Variants in TANGO6 observed in about 807,000 individuals in gnomAD.
The protein encoded by TANGO6 is transport and Golgi organization protein 6 homolog.
A neutral mutation model predicts 114.2 loss-of-function variants in TANGO6; 90 were observed. The observed-to-expected ratio is 0.79, with a 90% CI of 0.66 to 0.94. The LOEUF (loss-of-function observed/expected upper bound fraction) is 0.94, where lower values mean the gene tolerates loss of function less well. Among genes scored for constraint, TANGO6 ranks in the 40% least tolerant of loss-of-function variants. The pLI, the probability that TANGO6 is intolerant of heterozygous loss-of-function variation, is 0.00. For missense variants in TANGO6, 1,274 were observed against 1,315.3 expected (o/e 0.97, Z 0.49); for synonymous variants, 477 against 509.8 (o/e 0.94, Z 0.87).
intron 14 of TANGO6, among the ~76,000 whole-genome samples, chr16:68,944,186 C>G (rs995645339): frequency 1.3e-5 from 2 of 152,078 alleles, no homozygotes; most frequent in African/African-American, 4.8e-5. Flanking sequence ...GCTGGAATCT[C>G]AAAATATATC....
chr16:68,871,370 C>T (rs1962264699), intron 4 of TANGO6, among the ~76,000 whole-genome samples: 2 of 151,688 alleles, frequency 1.3e-5, no homozygotes, highest in South Asian at 2.1e-4. Context: ...TTATGATGTA[C>T]CTTGGTGTGG....
Position 68,875,154 on chromosome 16 carries a change from C to T in TANGO6, c.995C>T (p.Ala332Val), listed in dbSNP as rs200277093. The T allele has an allele frequency of 1.3e-4, 211 of 1,609,916 alleles. No homozygotes were observed. The highest frequency in any genetic ancestry group is 1.8e-4 in the Admixed American group (11 of 59,952). Residue 332 changes from alanine (A) to valine (V), a missense_variant and splice_region_variant, in exon 5 of 18, where the codon GCG (alanine) becomes GTG (valine). This residue lies in a region of TANGO6 where 908 missense variants were observed against 910.2 expected (regional missense o/e 1.00). Coordinates refer to ENST00000261778, the MANE Select transcript of TANGO6 (RefSeq NM_024562.2). Reference protein sequence around the residue: ...VVRGILEGAGAGAAGGSDAEV... With the variant: ...VVRGILEGAGVGAAGGSDAEV... The stretch of plus-strand genomic sequence containing the variant: ...CTAACATCTCTCTCCATTGTGCCAG[C>T]GGGAGCAGCTGGTGGAAGTGATGCT...
chr16:69,021,175 G>T (rs1009141947), intron 15 of TANGO6, among the ~76,000 whole-genome samples: 2 of 152,082 alleles, frequency 1.3e-5, no homozygotes, highest in Non-Finnish European at 2.9e-5. Context: ...GCAGTGTCCT[G>T]CAAGGCCCTT....
intron 12 of TANGO6, among the ~76,000 whole-genome samples, chr16:68,921,012 A>T (rs1007198096): frequency 1.5e-4 from 22 of 148,032 alleles, no homozygotes; most frequent in African/African-American, 4.9e-4. Flanking sequence ...CTGAGGCAGG[A>T]GAATGGCGTG....
chr16:69,070,939 A>G (rs1281845278), intron 17 of TANGO6, among the ~76,000 whole-genome samples: 1 of 151,702 alleles, frequency 6.6e-6, no homozygotes, highest in Admixed American at 6.6e-5. Context: ...ATGCCCAGCT[A>G]ATTTTTGTAC....
At chr16:68,884,004 G>A (rs990686956) in intron 7 of TANGO6, among the ~76,000 whole-genome samples, 20 of 152,034 alleles carry the variant, frequency 1.3e-4, no homozygotes, top group Admixed American at 1.2e-3. Flanking sequence ...ACACCTCCCA[G>A]GTTCAAGCGA....
At position 68,847,875 on chromosome 16, in the gene TANGO6, C is replaced by T. The variant is rs775051104; in HGVS notation, c.94+4164C>T. On this transcript the variant is annotated intron_variant, in intron 1 of 17. Coordinates refer to ENST00000261778, the MANE Select transcript of TANGO6 (RefSeq NM_024562.2). ...ATTAGCTGGGCGTGGTGGCATGCGCCGGTAGTCCCAGCTACTCGGGAGGCT... is the reference window on the plus strand; with the variant it reads ...ATTAGCTGGGCGTGGTGGCATGCGCTGGTAGTCCCAGCTACTCGGGAGGCT... Among the ~76,000 whole-genome samples, 4 of 151,826 alleles carry T rather than the reference C, an allele frequency of 2.6e-5. No homozygotes were observed. In the South Asian group the frequency reaches 6.2e-4, roughly 24 times the overall value.
intron 14 of TANGO6, among the ~76,000 whole-genome samples, chr16:68,966,780 T>C (rs1963650617): frequency 6.7e-6 from 1 of 150,254 alleles, no homozygotes; most frequent in Non-Finnish European, 1.5e-5. Flanking sequence ...ATTTTTTTTT[T>C]TTTTTTTTTT....
At position 69,015,991 on chromosome 16, in the gene TANGO6, C is replaced by G. The variant is rs16958573; in HGVS notation, c.2843-6837C>G. Reference sequence around the variant, plus strand: ...ACTTTTCCACCAGGCCCTCACATGCCTTGTTCCTTGAGGTCTTCTCCTCTG... The same window carrying G: ...ACTTTTCCACCAGGCCCTCACATGCGTTGTTCCTTGAGGTCTTCTCCTCTG... On this transcript the variant is annotated intron_variant, in intron 15 of 17. Coordinates refer to ENST00000261778, the MANE Select transcript of TANGO6 (RefSeq NM_024562.2). Among the ~76,000 whole-genome samples the G allele has an allele frequency of 4.7e-3, 721 of 152,284 alleles. 6 individuals are homozygous for G. The highest frequency in any genetic ancestry group is 0.017 in the African/African-American group (688 of 41,558).
chr16:68,986,131 T>A (rs1963887610), intron 15 of TANGO6, among the ~76,000 whole-genome samples: 1 of 152,204 alleles, frequency 6.6e-6, no homozygotes, highest in Non-Finnish European at 1.5e-5. Flanking sequence ...AGGCAGAATG[T>A]AGCCTTGTAA....
chr16:69,025,336 G>A (rs1053718298), intron 16 of TANGO6, among the ~76,000 whole-genome samples: 1 of 152,174 alleles, frequency 6.6e-6, no homozygotes, highest in Non-Finnish European at 1.5e-5. Flanking sequence ...GCTGGAGAGA[G>A]GACATGAAGG....
chr16:68,934,518 C>T (rs1002960712), intron 14 of TANGO6, among the ~76,000 whole-genome samples: 8 of 152,228 alleles, frequency 5.3e-5, no homozygotes, highest in South Asian at 2.1e-4. Flanking sequence ...CTACGAGTAA[C>T]GGGTTTCAAG....
chr16:69,065,955 C>T (rs1960207973), intron 17 of TANGO6, among the ~76,000 whole-genome samples: 1 of 152,128 alleles, frequency 6.6e-6, no homozygotes, highest in South Asian at 2.1e-4. Flanking sequence ...TATTTGTTTC[C>T]TGCCCATTAT....
chr16:68,849,842 A>G (rs1567522859), intron 1 of TANGO6, among the ~76,000 whole-genome samples: 1 of 152,200 alleles, frequency 6.6e-6, no homozygotes, highest in African/African-American at 2.4e-5. Flanking sequence ...ACATTTCATT[A>G]TGAAAATTTG....
At chr16:68,852,169 C>CAAATCAA (rs1252870726) in intron 1 of TANGO6, among the ~76,000 whole-genome samples, 1 of 152,130 alleles carries the variant, frequency 6.6e-6, no homozygotes, top group East Asian at 1.9e-4. Context: ...GTGAACAAAA[C>CAAATCAA]AAATCAATAC....
intron 15 of TANGO6, among the ~76,000 whole-genome samples, chr16:68,996,674 A>C (rs548572815): frequency 6.6e-6 from 1 of 152,292 alleles, no homozygotes; most frequent in Admixed American, 6.5e-5. Context: ...GAGGAAAAGT[A>C]GTTTTTCTGG....
intron 14 of TANGO6, among the ~76,000 whole-genome samples, chr16:68,961,480 G>A (rs1963590120): frequency 6.6e-6 from 1 of 152,198 alleles, no homozygotes; most frequent in African/African-American, 2.4e-5. Flanking sequence ...AACATTAATG[G>A]ATGAATGCAT....
chr16:69,063,524 C>CA (rs1005170077), intron 17 of TANGO6, among the ~76,000 whole-genome samples: 523 of 125,986 alleles, frequency 4.2e-3, no homozygotes, highest in African/African-American at 1.0e-2. Context: ...GACCCCGTCT[C>CA]AAAAAAAAAA....
At chr16:69,061,835 C>T (rs868630857) in intron 17 of TANGO6, among the ~76,000 whole-genome samples, 3 of 151,990 alleles carry the variant, frequency 2.0e-5, no homozygotes, top group African/African-American at 7.2e-5. Flanking sequence ...CTGGCTAAGA[C>T]GGTGAAACCC....
Sources: gnomAD v4.1 joint callset for allele counts (sites outside exome capture counted in the v4.1 genomes callset) on GRCh38, gnomAD v4.1.1 for gene constraint, gnomAD v4.1.1 regional missense constraint, MANE v1.5 for transcripts, NCBI Gene and HGNC (gene_info 2026-07-23, HGNC 2026-07-21) for gene names.